Variants in UNC13C observed in about 807,000 individuals in gnomAD.
UNC13C encodes protein unc-13 homolog C.
UNC13C carries 174 observed loss-of-function variants against 245.4 expected under a neutral mutation model. The observed-to-expected ratio is 0.71, with a 90% CI of 0.63 to 0.80. UNC13C has a LOEUF of 0.80. UNC13C is among the 30% of genes least tolerant of loss of function. UNC13C has a pLI of 0.00. For missense variants in UNC13C, 2,829 were observed against 2,602.9 expected, an observed-to-expected ratio of 1.09 and a Z score of -1.89; for synonymous variants, 992 against 895.1, an observed-to-expected ratio of 1.11 and a Z score of -1.93.
intron 2 of UNC13C, among the ~76,000 whole-genome samples, chr15:54,098,884 G>T (rs1900021122): frequency 6.6e-6 from 1 of 152,114 alleles, no homozygotes; most frequent in South Asian, 2.1e-4. Flanking sequence ...CTAATATACT[G>T]CTAAGGAGGG....
the UNC13C span, among the ~76,000 whole-genome samples, chr15:53,937,340 G>T: frequency 6.6e-6 from 1 of 151,994 alleles, no homozygotes; most frequent in Non-Finnish European, 1.5e-5. Context: ...AGAGAAAAAA[G>T]AATTAAAAGG....
intron 8 of UNC13C, among the ~76,000 whole-genome samples, chr15:54,262,866 A>C (rs946596944): frequency 7.9e-5 from 12 of 152,300 alleles, no homozygotes; most frequent in African/African-American, 2.9e-4. Flanking sequence ...ATGAACATTT[A>C]CATTAAATTA....
chr15:53,900,291 G>T, the UNC13C span, among the ~76,000 whole-genome samples: 1 of 152,130 alleles, frequency 6.6e-6, no homozygotes, highest in Non-Finnish European at 1.5e-5. Flanking sequence ...TAAGTGTTTA[G>T]GATGGCCATA....
chr15:54,580,692 T>G (rs1898159659), intron 30 of UNC13C, among the ~76,000 whole-genome samples: 1 of 152,236 alleles, frequency 6.6e-6, no homozygotes, highest in Admixed American at 6.5e-5. Context: ...TTCATCATTC[T>G]TATGGCATCC....
At chr15:53,854,189 T>C in the UNC13C span, among the ~76,000 whole-genome samples, 1 of 149,030 alleles carries the variant, frequency 6.7e-6, no homozygotes, top group Non-Finnish European at 1.5e-5. Flanking sequence ...GGCGCAATCT[T>C]GGCTCACTGC....
chr15:53,925,728 A>G, the UNC13C span, among the ~76,000 whole-genome samples: 28 of 152,332 alleles, frequency 1.8e-4, no homozygotes, highest in South Asian at 3.3e-3. Context: ...GTGAAAATGT[A>G]AACACCAGAC....
intron 13 of UNC13C, among the ~76,000 whole-genome samples, chr15:54,314,621 A>G (rs757996308): frequency 1.3e-5 from 2 of 151,758 alleles, no homozygotes; most frequent in African/African-American, 2.4e-5. Context: ...ATGTTTAATT[A>G]TGACAAATAC....
chr15:54,227,672 A>G (rs578061675), intron 4 of UNC13C, among the ~76,000 whole-genome samples: 1 of 152,290 alleles, frequency 6.6e-6, no homozygotes, highest in Admixed American at 6.5e-5. Flanking sequence ...GAGATCAGGC[A>G]CTTCCAAACC....
Position 54,512,551 on chromosome 15 carries a change from T to A in UNC13C, c.5457+721T>A, listed in dbSNP as rs550129018. The stretch of plus-strand genomic sequence containing the variant: ...CTGCCTGCCACAGTCTTTTCTTTCA[T>A]AAACTGACCTAAGCATTCAGGGATT... On this transcript the variant is annotated intron_variant, in intron 24 of 32. Transcript: ENST00000260323. Among the ~76,000 whole-genome samples, 9 of 152,274 alleles carry A rather than the reference T, an allele frequency of 5.9e-5. No homozygotes were observed. The East Asian group carries it at 1.7e-3, about 29-fold the overall frequency.
the UNC13C span, among the ~76,000 whole-genome samples, chr15:53,899,107 A>C: frequency 1.3e-5 from 2 of 152,192 alleles, no homozygotes; most frequent in African/African-American, 2.4e-5. Flanking sequence ...ATCTCAGAGA[A>C]GCATTCTCTG....
chr15:54,115,834 A>G (rs1432826278), intron 2 of UNC13C, among the ~76,000 whole-genome samples: 1 of 152,046 alleles, frequency 6.6e-6, no homozygotes, highest in Non-Finnish European at 1.5e-5. Context: ...AAGGCTCTCA[A>G]TCTATTAGGA....
At chr15:54,215,133 C>A (rs1261183363) in intron 4 of UNC13C, among the ~76,000 whole-genome samples, 2 of 151,604 alleles carry the variant, frequency 1.3e-5, no homozygotes, top group African/African-American at 4.8e-5. Context: ...ATTTGACAAA[C>A]AATGTGTAAA....
chr15:53,936,695 C>G, the UNC13C span, among the ~76,000 whole-genome samples: 1 of 152,220 alleles, frequency 6.6e-6, no homozygotes, highest in Non-Finnish European at 1.5e-5. Flanking sequence ...TGCTGTTTCA[C>G]AGTCTTCACT....
chr15:54,559,068 T>A (rs1897198128), intron 29 of UNC13C, among the ~76,000 whole-genome samples: 1 of 152,016 alleles, frequency 6.6e-6, no homozygotes, highest in African/African-American at 2.4e-5. Context: ...GACACTACAT[T>A]ATATGTTGCA....
At chr15:54,352,454 G>A (rs1008238721) in intron 17 of UNC13C, among the ~76,000 whole-genome samples, 3 of 151,052 alleles carry the variant, frequency 2.0e-5, no homozygotes, top group African/African-American at 7.3e-5. Context: ...ATAAAATGGT[G>A]TTGCATTAAT....
At chr15:54,141,118 A>C (rs1595902619) in intron 2 of UNC13C, among the ~76,000 whole-genome samples, 1 of 152,178 alleles carries the variant, frequency 6.6e-6, no homozygotes, top group East Asian at 1.9e-4. Flanking sequence ...GCAGATTTGA[A>C]ATCAGATCTT....
intron 30 of UNC13C, among the ~76,000 whole-genome samples, chr15:54,575,602 A>AC (rs1388964819): frequency 6.6e-6 from 1 of 152,082 alleles, no homozygotes; most frequent in Non-Finnish European, 1.5e-5. Flanking sequence ...GCCAAGGGCC[A>AC]CCGCTGAAAT....
intron 19 of UNC13C, among the ~76,000 whole-genome samples, chr15:54,494,385 A>G (rs976126961): frequency 6.6e-6 from 1 of 152,104 alleles, no homozygotes; most frequent in Non-Finnish European, 1.5e-5. Context: ...GGATTAGAAC[A>G]TTGAAGTTAT....
chr15:54,225,249 C>T (rs550274823), intron 4 of UNC13C, among the ~76,000 whole-genome samples: 59 of 151,996 alleles, frequency 3.9e-4, no homozygotes, highest in African/African-American at 1.4e-3. Context: ...AGCATGATGC[C>T]TCCAGCTTTG....
Sources: allele counts gnomAD v4.1 joint callset (sites outside exome capture counted in the v4.1 genomes callset), GRCh38; gene constraint gnomAD v4.1.1; transcripts MANE v1.5; gene names NCBI Gene and HGNC (gene_info 2026-07-23, HGNC 2026-07-21).